Variants in UNC5D observed in about 807,000 individuals in gnomAD.
UNC5D encodes the protein netrin receptor UNC5D.
Under a neutral mutation model 105.4 loss-of-function variants are expected in UNC5D, and 39 were observed. The observed-to-expected ratio is 0.37, with a 90% CI of 0.29 to 0.48. The LOEUF is 0.48. Among genes scored for constraint, UNC5D ranks in the 20% least tolerant of loss-of-function variants. The pLI is 0.98. For missense variants in UNC5D, 991 were observed against 1,202.4 expected (o/e 0.82, Z 2.60); for synonymous variants, 452 against 450.4 (o/e 1.00, Z -0.04).
At chr8:35,448,724 T>C (rs760964913) in intron 1 of UNC5D, among the ~76,000 whole-genome samples, 4 of 152,156 alleles carry the variant, frequency 2.6e-5, no homozygotes, top group African/African-American at 9.6e-5. Flanking sequence ...ATAATGTTCA[T>C]TGTACCCATT....
chr8:35,698,686 A>G (rs892299902), intron 7 of UNC5D, among the ~76,000 whole-genome samples: 1 of 152,086 alleles, frequency 6.6e-6, no homozygotes, highest in Non-Finnish European at 1.5e-5. Flanking sequence ...TTGTTTTCAT[A>G]TCTTTGCTAT....
At chr8:35,691,806 T>C (rs1826417773) in intron 7 of UNC5D, among the ~76,000 whole-genome samples, 1 of 152,120 alleles carries the variant, frequency 6.6e-6, no homozygotes, top group Non-Finnish European at 1.5e-5. Flanking sequence ...GCATGCCTCA[T>C]TGACAGGAAG....
intron 1 of UNC5D, among the ~76,000 whole-genome samples, chr8:35,452,983 A>G (rs912621026): frequency 6.6e-6 from 1 of 152,134 alleles, no homozygotes; most frequent in Non-Finnish European, 1.5e-5. Context: ...CTAGAGTCCA[A>G]AAAAAGTTGT....
intron 1 of UNC5D, among the ~76,000 whole-genome samples, chr8:35,541,406 G>A (rs1815265072): frequency 6.6e-6 from 1 of 152,152 alleles, no homozygotes. Context: ...TTTAAAATGT[G>A]CATTCTAATG....
At chr8:35,373,749 T>C (rs1802546957) in intron 1 of UNC5D, among the ~76,000 whole-genome samples, 5 of 152,214 alleles carry the variant, frequency 3.3e-5, no homozygotes, top group Admixed American at 2.0e-4. Context: ...TTGTACACAA[T>C]TTGAAAGTTT....
At chr8:35,741,876 G>C (rs1264732569) in intron 11 of UNC5D, among the ~76,000 whole-genome samples, 1 of 152,122 alleles carries the variant, frequency 6.6e-6, no homozygotes, top group Non-Finnish European at 1.5e-5. Context: ...GAAATACCAA[G>C]TCAAAATCTT....
At chr8:35,738,471 T>C (rs1174490725) in intron 11 of UNC5D, among the ~76,000 whole-genome samples, 1 of 152,230 alleles carries the variant, frequency 6.6e-6, no homozygotes, top group Non-Finnish European at 1.5e-5. Context: ...GCTTTAGCTC[T>C]GTCCCAGTGA....
chr8:35,283,265 A>T (rs1806328119), intron 1 of UNC5D, among the ~76,000 whole-genome samples: 1 of 152,194 alleles, frequency 6.6e-6, no homozygotes, highest in Non-Finnish European at 1.5e-5. Context: ...TGTCCCCAGC[A>T]TACAAATACA....
At chr8:35,509,012 T>G (rs1481802695) in intron 1 of UNC5D, among the ~76,000 whole-genome samples, 1 of 152,230 alleles carries the variant, frequency 6.6e-6, no homozygotes, top group Non-Finnish European at 1.5e-5. Context: ...TTTCTTTGAT[T>G]CTTGCTATGA....
At chr8:35,588,364 G>A (rs914716927) in intron 3 of UNC5D, among the ~76,000 whole-genome samples, 2 of 152,110 alleles carry the variant, frequency 1.3e-5, no homozygotes, top group African/African-American at 4.8e-5. Flanking sequence ...GAGATATGGT[G>A]GTTATGCTTT....
chr8:35,450,337 A>G (rs960102777), intron 1 of UNC5D, among the ~76,000 whole-genome samples: 10 of 152,124 alleles, frequency 6.6e-5, no homozygotes, highest in Admixed American at 5.9e-4. Context: ...CAATACGGAG[A>G]ATAATCCTCA....
chr8:35,519,428 A>T (rs1813313896), intron 1 of UNC5D, among the ~76,000 whole-genome samples: 1 of 152,140 alleles, frequency 6.6e-6, no homozygotes, highest in Non-Finnish European at 1.5e-5. Flanking sequence ...CATAAGCAGT[A>T]CCGAGTAGCT....
At chr8:35,349,865 G>A (rs1295645498) in intron 1 of UNC5D, among the ~76,000 whole-genome samples, 5 of 151,878 alleles carry the variant, frequency 3.3e-5, no homozygotes, top group Admixed American at 3.3e-4. Context: ...CTTGAAACTG[G>A]CACTTTTTCT....
chr8:35,391,554 T>C (rs1803774021), intron 1 of UNC5D, among the ~76,000 whole-genome samples: 1 of 152,174 alleles, frequency 6.6e-6, no homozygotes, highest in African/African-American at 2.4e-5. Flanking sequence ...TTTTGAGTTA[T>C]ACCAGTGGAA....
In UNC5D at chr8:35,755,385, G is replaced by A. The variant is rs1830468301; in HGVS notation, c.2164-3935G>A. The stretch of plus-strand genomic sequence containing the variant: ...TAATTTCAAAGGATTTCCTCTAGAT[G>A]TAGTTCTTGTGTTTATCAATAATGC... On this transcript the variant is annotated intron_variant, in intron 13 of 16. Transcript: ENST00000404895. Among the ~76,000 whole-genome samples, 3 of 152,106 alleles carry A rather than the reference G, an allele frequency of 2.0e-5. No individual in the cohort carries two copies. The South Asian group carries it at 6.2e-4, about 32-fold the overall frequency.
chr8:35,493,017 C>A (rs1294695613), intron 1 of UNC5D, among the ~76,000 whole-genome samples: 1 of 152,000 alleles, frequency 6.6e-6, no homozygotes, highest in South Asian at 2.1e-4. Flanking sequence ...AAGACAATTG[C>A]ATTTCTTTTG....
chr8:35,703,855 G>A (rs1442567800), intron 7 of UNC5D, among the ~76,000 whole-genome samples: 2 of 152,112 alleles, frequency 1.3e-5, no homozygotes, highest in African/African-American at 4.8e-5. Context: ...TGCCAGCCTC[G>A]CTGTGCCCCA....
At chr8:35,498,084 C>CAAAAAAAAAAAAAAAAAAAAAAAA (rs58175711) in intron 1 of UNC5D, among the ~76,000 whole-genome samples, 4 of 58,190 alleles carry the variant, frequency 6.9e-5, no homozygotes, top group East Asian at 4.2e-4. Context: ...CAAAACAAAA[C>CAAAAAAAAAAAAAAAAAAAAAAAA]AAAAAAAAAA....
At chr8:35,508,501 G>A (rs189699210) in intron 1 of UNC5D, among the ~76,000 whole-genome samples, 2 of 152,266 alleles carry the variant, frequency 1.3e-5, no homozygotes, top group East Asian at 1.9e-4. Flanking sequence ...TCAAGCTACC[G>A]CCTTTGAATC....
Sources: gnomAD v4.1 joint callset for allele counts (sites outside exome capture counted in the v4.1 genomes callset) on GRCh38, gnomAD v4.1.1 for gene constraint, MANE v1.5 for transcripts, NCBI Gene and HGNC (gene_info 2026-07-23, HGNC 2026-07-21) for gene names.